ATP6V0A4: variants seen among roughly 807,000 people sequenced by gnomAD.
ATP6V0A4 encodes the protein ATPase H+ transporting V0 subunit a4, also known as V-type proton ATPase 116 kDa subunit a 4.
Under a neutral mutation model 107.3 loss-of-function variants are expected in ATP6V0A4, and 86 were observed. The observed-to-expected ratio is 0.80, with a 90% confidence interval of 0.67 to 0.96. The LOEUF (loss-of-function observed/expected upper bound fraction) is 0.96. Among genes scored for constraint, ATP6V0A4 ranks in the 40% least tolerant of loss-of-function variants. ATP6V0A4 has a pLI of 0.00. For missense variants in ATP6V0A4, 908 were observed against 1,045.6 expected (o/e 0.87, Z 1.81); for synonymous variants, 353 against 381.4 (o/e 0.93, Z 0.87).
chr7:138,708,530 C>A (rs1803570116), intron 21 of ATP6V0A4, among the ~76,000 whole-genome samples: 1 of 152,130 alleles, frequency 6.6e-6, no homozygotes, highest in Non-Finnish European at 1.5e-5. Context: ...TGGGTACAGT[C>A]TCTGCAGCTG....
In ATP6V0A4 at chr7:138,728,922, G is replaced by A. The variant is rs572064320; in HGVS notation, c.1909-60C>T. 6.1e-5 allele frequency: 99 copies of A among 1,612,370 alleles called. No individual in the cohort carries two copies. In the African/African-American group the frequency reaches 1.2e-3, roughly 19 times the overall value. On this transcript the variant is annotated intron_variant, in intron 17 of 21. Transcript: ENST00000310018. ...CACATGGCAGAACAGCACACTTTAC[G>A]TGATGAAAATGACCACTATGGGCCA...
intron 20 of ATP6V0A4, among the ~76,000 whole-genome samples, chr7:138,714,058 C>CA (rs1225955376): frequency 7.9e-6 from 1 of 126,786 alleles, no homozygotes; most frequent in African/African-American, 3.0e-5. Context: ...GGCAAAAAGG[C>CA]AAAACCCTAC....
intron 15 of ATP6V0A4, 84 bp from the exon 16 acceptor site, chr7:138,734,338 C>G (rs954197513): frequency 6.3e-7 from 1 of 1,598,980 alleles, no homozygotes; most frequent in South Asian, 1.1e-5. Flanking sequence ...ACAACTTTCC[C>G]TAAGCAAACC....
chr7:138,722,899 A>G (rs868693564), intron 18 of ATP6V0A4, among the ~76,000 whole-genome samples: 2 of 151,396 alleles, frequency 1.3e-5, no homozygotes, highest in Middle Eastern at 6.8e-3. Context: ...TCTCCATAAA[A>G]ATACAAAAAT....
Position 138,739,641 on chromosome 7 carries a change from G to A in ATP6V0A4, c.1479-8C>T. ...TCCTCCATTACATGAGTACTTTAGA[G>A]GGAGAAAAGGAGAAAAACAAACAAT... On this transcript the variant is annotated splice_region_variant and splice_polypyrimidine_tract_variant and intron_variant, in intron 14 of 21. Transcript: ENST00000310018. 1.2e-6 allele frequency: 2 copies of A among 1,613,932 alleles called. No individual in the cohort carries two copies. Among genetic ancestry groups the A allele is most frequent in the Non-Finnish European group, 1.7e-6 (2 of 1,179,982 alleles).
rs749701746 is a variant in ATP6V0A4 at position 138,732,936 on chromosome 7, T to C, written c.1849A>G (p.Ile617Val). The C allele has an allele frequency of 6.2e-7, 1 of 1,612,644 alleles. No homozygotes were observed. The part of the protein sequence containing the change: ...QHAPSILIHF[I>V]NMFLFNYSDS... ...CTGTAGTTAAACAGAAACATGTTGA[T>C]GAAGTGGATGAGGATGCTGGGGGCG... The change falls in exon 17 of 22, where the codon ATC becomes GTC. Residue 617 changes from isoleucine to valine, a missense_variant. By Grantham distance (29) the Ile-to-Val change is conservative. Coordinates refer to ENST00000310018, the MANE Select transcript of ATP6V0A4 (RefSeq NM_020632.3).
chr7:138,752,256 G>GC lies in ATP6V0A4; in HGVS notation c.1029+368dup, dbSNP rs545512084. Among the ~76,000 whole-genome samples the GC allele has an allele frequency of 7.2e-5, 11 of 152,136 alleles. No homozygotes were observed. In the South Asian group the frequency reaches 2.1e-3, roughly 29 times the overall value. On this transcript the variant is annotated intron_variant, in intron 11 of 21. Transcript: ENST00000310018. Reference sequence around the variant, plus strand: ...GTGGTAGGGCGCACCTGTAATCCCAGCTACTCGGGAGGCTGAGGCAGGAGA... The same window carrying GC: ...GTGGTAGGGCGCACCTGTAATCCCAGCCTACTCGGGAGGCTGAGGCAGGAGA...
chr7:138,765,178 G>C (rs1807023182), intron 5 of ATP6V0A4, among the ~76,000 whole-genome samples: 1 of 152,066 alleles, frequency 6.6e-6, no homozygotes, highest in Admixed American at 6.6e-5. Context: ...AGACAAAATT[G>C]AATTACTATG....
At chr7:138,759,407 A>T (rs1806676703) in intron 8 of ATP6V0A4, among the ~76,000 whole-genome samples, 1 of 151,954 alleles carries the variant, frequency 6.6e-6, no homozygotes, top group Non-Finnish European at 1.5e-5. Context: ...TCGCGTGCAC[A>T]TTGAAGCTTG....
Position 138,759,769 on chromosome 7 carries a change from G to C in ATP6V0A4, c.622C>G (p.Leu208Val). 1.2e-6 allele frequency: 2 copies of C among 1,614,168 alleles called. No homozygotes were observed. Among genetic ancestry groups the C allele is most frequent in the Non-Finnish European group, 1.7e-6 (2 of 1,180,028 alleles). ...YLKFSEMDAP[L>V]EDPVTKEEIQ... ...GTTCCCACCGTCACAGGATCCTCCA[G>C]AGGGGCGTCCATCTCACTGAACTTC... The change falls in exon 8 of 22, where the codon CTG (leucine) becomes GTG (valine). Residue 208 changes from leucine (L) to valine (V), a missense_variant. Leu to Val is a conservative substitution (Grantham distance 32). Coordinates refer to ENST00000310018, the MANE Select transcript of ATP6V0A4 (RefSeq NM_020632.3).
At chr7:138,790,625 T>C (rs1278078292) in intron 1 of ATP6V0A4, among the ~76,000 whole-genome samples, 2 of 152,162 alleles carry the variant, frequency 1.3e-5, no homozygotes, top group East Asian at 3.8e-4. Flanking sequence ...TACCCTTTAT[T>C]TCATTATAAA....
chr7:138,769,800 A>G (rs1807285756), intron 3 of ATP6V0A4, among the ~76,000 whole-genome samples: 1 of 152,158 alleles, frequency 6.6e-6, no homozygotes. Context: ...AGTCCTGGCC[A>G]GGTGCAGTTG....
At chr7:138,731,949 T>C (rs1805044590) in intron 17 of ATP6V0A4, among the ~76,000 whole-genome samples, 1 of 146,738 alleles carries the variant, frequency 6.8e-6, no homozygotes, top group Admixed American at 6.8e-5. Flanking sequence ...AATAAAATAT[T>C]AAGTTGATAA....
chr7:138,796,387 GA>G (rs1808662973), intron 1 of ATP6V0A4, among the ~76,000 whole-genome samples: 2 of 152,058 alleles, frequency 1.3e-5, no homozygotes. Flanking sequence ...GAGCCAATTA[GA>G]AAAAAGTGCC....
Position 138,706,726 on chromosome 7 carries a change from G to A in ATP6V0A4, c.2430-9C>T, listed in dbSNP as rs371818187. On this transcript the variant is annotated splice_polypyrimidine_tract_variant and intron_variant, in intron 21 of 21. Transcript: ENST00000310018. Reference sequence around the variant, plus strand: ...TGTTCTGGAACTCAACCCTGTTGTTGAGGGGAGGCCGTGGGGTAAGAAATG... The same window carrying A: ...TGTTCTGGAACTCAACCCTGTTGTTAAGGGGAGGCCGTGGGGTAAGAAATG... 6.2e-7 allele frequency: 1 copy of A among 1,613,186 alleles called. No individual in the cohort carries two copies. Among genetic ancestry groups the A allele is most frequent in the Non-Finnish European group, 8.5e-7 (1 of 1,179,694 alleles).
chr7:138,709,587 A>G, intron 21 of ATP6V0A4, 37 bp downstream of exon 21: 2 of 1,603,006 alleles, frequency 1.2e-6, no homozygotes, highest in South Asian at 1.1e-5. Flanking sequence ...CCCTTTCCCA[A>G]CACCACATTG....
In ATP6V0A4 at chr7:138,752,775, G is replaced by A. The variant is rs1806298877; in HGVS notation, c.879C>T (p.His293=). The A allele has an allele frequency of 6.2e-7, 1 of 1,614,224 alleles. No homozygotes were observed. Among genetic ancestry groups the A allele is most frequent in the Non-Finnish European group, 8.5e-7 (1 of 1,180,042 alleles). ...TCTTCTGCACCTTGATGAGCCAGGAGTGCCAGTTGGCAGCGGCTTCCTGCA... is the reference window on the plus strand; with the variant it reads ...TCTTCTGCACCTTGATGAGCCAGGAATGCCAGTTGGCAGCGGCTTCCTGCA... The part of the protein sequence containing the change: ...RLLQEAAANW[H]SWLIKVQKMK... Residue 293 remains histidine (H), a synonymous_variant, in exon 11 of 22, where the codon CAC becomes CAT. Transcript: ENST00000310018.
chr7:138,777,098 G>C (rs147717861), intron 2 of ATP6V0A4, among the ~76,000 whole-genome samples: 1 of 151,054 alleles, frequency 6.6e-6, no homozygotes, highest in Non-Finnish European at 1.5e-5. Context: ...GCAGTGAGCC[G>C]AGATCGCACC....
chr7:138,728,731 G>C (rs1450903326), intron 18 of ATP6V0A4, 30 bp downstream of exon 18: 1 of 1,613,684 alleles, frequency 6.2e-7, no homozygotes, highest in Non-Finnish European at 8.5e-7. Flanking sequence ...CTTATGCAAA[G>C]TAGGGTGAAC....
Sources: gnomAD v4.1 joint callset for allele counts (sites outside exome capture counted in the v4.1 genomes callset) on GRCh38, gnomAD v4.1.1 for gene constraint, MANE v1.5 for transcripts, NCBI Gene and HGNC (gene_info 2026-07-23, HGNC 2026-07-21) for gene names.